Variants in ANGPT1 observed in about 807,000 individuals in gnomAD.
ANGPT1 encodes the protein angiopoietin-1.
ANGPT1 carries 17 observed loss-of-function variants against 62.2 expected under a neutral mutation model. The observed-to-expected ratio is 0.27, with a 90% CI of 0.19 to 0.41. The LOEUF (loss-of-function observed/expected upper bound fraction) is 0.41, where lower values mean the gene tolerates loss of function less well. Ranked by LOEUF, ANGPT1 falls within the 10% of genes least tolerant of loss-of-function variation. ANGPT1 has a pLI of 1.00. For synonymous variants in ANGPT1, 199 were observed against 198.9 expected, an observed-to-expected ratio of 1.00 and a Z score of 0.00; for missense variants, 478 against 594.9, an observed-to-expected ratio of 0.80 and a Z score of 2.04.
At chr8:107,468,938 T>C (rs1416975176) in intron 1 of ANGPT1, among the ~76,000 whole-genome samples, 1 of 152,070 alleles carries the variant, frequency 6.6e-6, no homozygotes, top group African/African-American at 2.4e-5. Context: ...AGTTGCATGC[T>C]TGAAGCAAGA....
chr8:107,371,390 G>C (rs776671683), intron 1 of ANGPT1, among the ~76,000 whole-genome samples: 4 of 152,032 alleles, frequency 2.6e-5, no homozygotes, highest in African/African-American at 9.7e-5. Context: ...CCAGTCCTCA[G>C]CTATTTTGAA....
chr8:107,350,800 G>T (rs1423569804), intron 1 of ANGPT1, among the ~76,000 whole-genome samples: 1 of 152,102 alleles, frequency 6.6e-6, no homozygotes, highest in East Asian at 1.9e-4. Context: ...AGATGTAGTT[G>T]ATTTAAAGGC....
At chr8:107,396,509 T>C (rs1816937214) in intron 1 of ANGPT1, among the ~76,000 whole-genome samples, 1 of 128,236 alleles carries the variant, frequency 7.8e-6, no homozygotes, top group South Asian at 2.5e-4. Context: ...TTTTCTTTTC[T>C]TTTCTCTCTT....
chr8:107,374,151 C>T (rs993816467), intron 1 of ANGPT1, among the ~76,000 whole-genome samples: 3 of 152,232 alleles, frequency 2.0e-5, no homozygotes, highest in South Asian at 2.1e-4. Flanking sequence ...GGCTTGCCAA[C>T]CTTTTTTTAT....
chr8:107,330,340 C>T (rs1815391797), intron 3 of ANGPT1, among the ~76,000 whole-genome samples: 1 of 152,078 alleles, frequency 6.6e-6, no homozygotes, highest in Non-Finnish European at 1.5e-5. Context: ...GTGACTTAGT[C>T]GATTATCCCA....
chr8:107,449,386 TCACACACACACATGCACACACACA>T lies in ANGPT1; in HGVS notation c.297+47852_297+47875del, dbSNP rs879690132. ...CCTTATTAATAAAGCACCCACACAC[TCACACACACACATGCACACACACA>T]CACACACACACACACACAGAAAACT... is the stretch of plus-strand genomic sequence containing the variant. On this transcript the variant is annotated intron_variant, in intron 1 of 8. Coordinates refer to ENST00000517746, the MANE Select transcript of ANGPT1 (RefSeq NM_001146.5). Among the ~76,000 whole-genome samples, 246 of 110,066 alleles carry T rather than the reference TCACACACACACATGCACACACACA, an allele frequency of 2.2e-3. 1 individual carries two copies. In the Admixed American group the frequency reaches 0.022, roughly 10 times the overall value. 72.2% of individuals were successfully genotyped at this position (110,066 alleles called of 152,430 possible). A position where few individuals can be genotyped will look rare whatever the true frequency, so the allele number is the denominator to read the frequency against.
intron 1 of ANGPT1, among the ~76,000 whole-genome samples, chr8:107,433,054 A>G (rs1363975740): frequency 6.6e-6 from 1 of 152,238 alleles, no homozygotes; most frequent in Non-Finnish European, 1.5e-5. Flanking sequence ...TTCATGTGAA[A>G]TAATTCTCTT....
At position 107,313,717 on chromosome 8, in the gene ANGPT1, A is replaced by T. The variant is rs368589575; in HGVS notation, c.808+8179T>A. On this transcript the variant is annotated intron_variant, in intron 4 of 8. Transcript: ENST00000517746. ...CTCGGCCTCCCAAAGTGCTGGGACT[A>T]CAGGCGTGAGCCACCACGACTGGCC... is the stretch of plus-strand genomic sequence containing the variant. Among the ~76,000 whole-genome samples, 17 of 152,090 alleles carry T rather than the reference A, an allele frequency of 1.1e-4. No homozygotes were observed. In the East Asian group the frequency reaches 2.9e-3, roughly 26 times the overall value.
chr8:107,497,649 G>A lies in ANGPT1; in HGVS notation c.-91C>T. ...CTAGTTCTTTATTTCAGGTAAAACT[G>A]CTTGTTTGTTTGACTCTTTCCCCCT... On this transcript the variant is annotated 5_prime_UTR_variant, in exon 1 of 9. Transcript: ENST00000517746. 3.0e-6 allele frequency: 4 copies of A among 1,340,658 alleles called. No homozygotes were observed. In the South Asian group the frequency reaches 4.8e-5, roughly 16 times the overall value. 83.0% of individuals were successfully genotyped at this position (1,340,658 alleles called of 1,614,324 possible).
intron 4 of ANGPT1, among the ~76,000 whole-genome samples, chr8:107,316,592 T>TA (rs1486158801): frequency 6.6e-6 from 1 of 152,210 alleles, no homozygotes; most frequent in African/African-American, 2.4e-5. Flanking sequence ...ATATTTTTCC[T>TA]ACATTGTCAC....
intron 1 of ANGPT1, among the ~76,000 whole-genome samples, chr8:107,372,403 A>T (rs1413619925): frequency 6.6e-6 from 1 of 152,184 alleles, no homozygotes; most frequent in Admixed American, 6.5e-5. Context: ...TATTTAGGAG[A>T]TGACCATTCT....
At chr8:107,478,404 T>C (rs62514481) in intron 1 of ANGPT1, among the ~76,000 whole-genome samples, 8,044 of 151,930 alleles carry the variant, frequency 0.053, 243 homozygotes, top group South Asian at 0.11. Flanking sequence ...AAAAAGTAGC[T>C]GGGTGTGGTG....
At chr8:107,348,773 T>C (rs1815867447) in intron 1 of ANGPT1, among the ~76,000 whole-genome samples, 1 of 152,106 alleles carries the variant, frequency 6.6e-6, no homozygotes, top group African/African-American at 2.4e-5. Flanking sequence ...AATAGCATTC[T>C]TTAACTTTCT....
chr8:107,465,019 T>C (rs1812166370), intron 1 of ANGPT1, among the ~76,000 whole-genome samples: 1 of 152,086 alleles, frequency 6.6e-6, no homozygotes, highest in Non-Finnish European at 1.5e-5. Context: ...GTAGTTATAA[T>C]ATAGTTAAAT....
intron 1 of ANGPT1, among the ~76,000 whole-genome samples, chr8:107,459,134 T>C (rs190581673): frequency 3.9e-5 from 6 of 152,288 alleles, no homozygotes; most frequent in East Asian, 1.9e-4. Context: ...CAATATCCCA[T>C]TCAGTAACTT....
At chr8:107,392,831 G>C (rs1045461270) in intron 1 of ANGPT1, among the ~76,000 whole-genome samples, 13 of 152,092 alleles carry the variant, frequency 8.5e-5, no homozygotes, top group Admixed American at 7.9e-4. Context: ...TTGCCAAACT[G>C]TTCACTTGGT....
chr8:107,337,947 T>C (rs888964168), intron 2 of ANGPT1, among the ~76,000 whole-genome samples: 1 of 150,502 alleles, frequency 6.6e-6, no homozygotes, highest in Non-Finnish European at 1.5e-5. Flanking sequence ...CATACAAAAA[T>C]TAACTGGGCA....
chr8:107,420,854 TATAG>T (rs1810879337), intron 1 of ANGPT1, among the ~76,000 whole-genome samples: 1 of 152,106 alleles, frequency 6.6e-6, no homozygotes, highest in African/African-American at 2.4e-5. Flanking sequence ...TATAAAAACA[TATAG>T]ATATATATGA....
At chr8:107,473,990 C>T (rs1343103463) in intron 1 of ANGPT1, among the ~76,000 whole-genome samples, 2 of 152,014 alleles carry the variant, frequency 1.3e-5, no homozygotes, top group Admixed American at 6.6e-5. Flanking sequence ...GGATTTACAG[C>T]CAAATTCTAC....
Sources: gnomAD v4.1 joint callset for allele counts (sites outside exome capture counted in the v4.1 genomes callset) on GRCh38, gnomAD v4.1.1 for gene constraint, MANE v1.5 for transcripts, NCBI Gene and HGNC (gene_info 2026-07-23, HGNC 2026-07-21) for gene names.